The following RASAL2 variants were observed in gnomAD, a reference collection of about 807,000 sequenced individuals.
RASAL2 encodes the protein ras GTPase-activating protein nGAP.
RASAL2 carries 58 observed loss-of-function variants against 128.9 expected under a neutral mutation model. The ratio of observed to expected loss-of-function variants is 0.45; its 90% CI spans 0.36 to 0.56. RASAL2 has a LOEUF of 0.56. Ranked by LOEUF, RASAL2 falls within the 20% of genes least tolerant of loss-of-function variation. The pLI is 0.00. For missense variants in RASAL2, 1,360 were observed against 1,601.6 expected, an observed-to-expected ratio of 0.85 and a Z score of 2.57; for synonymous variants, 561 against 580.8, an observed-to-expected ratio of 0.97 and a Z score of 0.49.
chr1:178,448,745 A>G (rs766408069), intron 9 of RASAL2, among the ~76,000 whole-genome samples: 1 of 152,292 alleles, frequency 6.6e-6, no homozygotes, highest in East Asian at 1.9e-4. Flanking sequence ...TTTGAAATCA[A>G]TTATTCATAT....
intron 2 of RASAL2, among the ~76,000 whole-genome samples, chr1:178,288,622 G>A (rs569325851): frequency 7.0e-6 from 1 of 143,496 alleles, no homozygotes; most frequent in East Asian, 2.0e-4. Flanking sequence ...ATTCCCATCA[G>A]CATGCTATTC....
chr1:178,227,996 G>A (rs1171648452), intron 1 of RASAL2, among the ~76,000 whole-genome samples: 1 of 152,150 alleles, frequency 6.6e-6, no homozygotes, highest in Non-Finnish European at 1.5e-5. Flanking sequence ...AAAATGAAGT[G>A]TCAAGTTATT....
At chr1:178,180,930 TAAGAAAC>T (rs1436179180) in intron 1 of RASAL2, among the ~76,000 whole-genome samples, 1 of 152,132 alleles carries the variant, frequency 6.6e-6, no homozygotes, top group Non-Finnish European at 1.5e-5. Context: ...TCATATCACA[TAAGAAAC>T]AGATACACAT....
intron 17 of RASAL2, 108 bp downstream of exon 17, chr1:178,467,529 A>G (rs1647848818): frequency 3.5e-6 from 3 of 868,000 alleles, no homozygotes. Context: ...TGTGTCATTG[A>G]AAAGTTCTAG....
chr1:178,183,990 A>G (rs1160067107), intron 1 of RASAL2, among the ~76,000 whole-genome samples: 3 of 152,200 alleles, frequency 2.0e-5, no homozygotes, highest in African/African-American at 7.2e-5. Context: ...GATTTTAGCC[A>G]GTCTAATAGG....
chr1:178,351,919 A>G (rs1271715159), intron 3 of RASAL2, among the ~76,000 whole-genome samples: 4 of 152,132 alleles, frequency 2.6e-5, no homozygotes, highest in African/African-American at 9.7e-5. Context: ...TTTTACATAA[A>G]CATACTCTTT....
At chr1:178,438,103 TGTG>T (rs1676374114) in intron 5 of RASAL2, among the ~76,000 whole-genome samples, 1 of 14,796 alleles carries the variant, frequency 6.8e-5, no homozygotes, top group East Asian at 1.1e-3. Flanking sequence ...AATGGTGGCT[TGTG>T]TGTGTGTGTG....
rs909191506 is a variant in RASAL2 at position 178,383,298 on chromosome 1, C to T, written c.458-6802C>T. ...ACAAATTGGGTGAATTAAAGTGGCT[C>T]TGGGGATTTGTATTTCAGAGCAGCT... On this transcript the variant is annotated intron_variant, in intron 3 of 17. Coordinates refer to ENST00000367649, the MANE Select transcript of RASAL2 (RefSeq NM_170692.4). Among the ~76,000 whole-genome samples the T allele has an allele frequency of 2.6e-5, 4 of 152,090 alleles. No individual in the cohort carries two copies. In the South Asian group the frequency reaches 6.2e-4, roughly 24 times the overall value.
intron 3 of RASAL2, among the ~76,000 whole-genome samples, chr1:178,337,107 C>T (rs929615488): frequency 6.6e-6 from 1 of 152,028 alleles, no homozygotes; most frequent in African/African-American, 2.4e-5. Flanking sequence ...TCTACTAAGT[C>T]ATCTTAGTGG....
chr1:178,468,846 G>A (rs1647989702), intron 17 of RASAL2, among the ~76,000 whole-genome samples: 1 of 152,074 alleles, frequency 6.6e-6, no homozygotes, highest in Non-Finnish European at 1.5e-5. Context: ...GGATAAATAA[G>A]GCAATTGAGT....
At chr1:178,273,736 G>T (rs931727813) in intron 1 of RASAL2, among the ~76,000 whole-genome samples, 1 of 152,274 alleles carries the variant, frequency 6.6e-6, no homozygotes, top group African/African-American at 2.4e-5. Context: ...ATTAGATTTC[G>T]ATAAGAGGGA....
intron 3 of RASAL2, among the ~76,000 whole-genome samples, chr1:178,380,368 A>G (rs1672217445): frequency 6.6e-6 from 1 of 152,208 alleles, no homozygotes. Context: ...TTTAATATAC[A>G]TAAAGGAGAG....
Position 178,299,994 on chromosome 1 carries a change from A to G in RASAL2, c.333A>G (p.Ile111Met), listed in dbSNP as rs752988128. Residue 111 changes from isoleucine to methionine, a missense_variant and splice_region_variant, in exon 3 of 18, where the codon ATA (isoleucine) becomes ATG (methionine). Physicochemically the swap from Ile to Met is conservative, Grantham distance 10. This residue lies in a region of RASAL2 where 617 missense variants were observed against 714.2 expected (regional missense o/e 0.86). Coordinates refer to ENST00000367649, the MANE Select transcript of RASAL2 (RefSeq NM_170692.4). ...QLVLLNKEKE[I>M]PVEGGQEQQT... ...ATCTTTTGCTTTTGATTAACTAGAT[A>G]CCTGTGGAAGGGGGACAGGAGCAGC... 3 of 1,613,212 alleles carry G rather than the reference A, an allele frequency of 1.9e-6. No homozygotes were observed. The East Asian group carries it at 6.7e-5, about 36-fold the overall frequency.
intron 4 of RASAL2, among the ~76,000 whole-genome samples, chr1:178,393,870 C>A (rs969046416): frequency 2.6e-5 from 4 of 152,116 alleles, no homozygotes; most frequent in Non-Finnish European, 5.9e-5. Context: ...AGACCAGAAT[C>A]GAACGAGTTT....
At position 178,443,133 on chromosome 1, in the gene RASAL2, G is replaced by T; in HGVS notation, c.1386G>T (p.Met462Ile). ...AATTTGTCACCAGCAACTACACCAT[G>T]CTGTGTTCTGTCCTTGAGCCAGTAA... ...FAEFVTSNYTMLCSVLEPVIS... is the reference protein window; with the variant it reads ...FAEFVTSNYTILCSVLEPVIS... The change falls in exon 8 of 18, where the codon ATG (methionine) becomes ATT (isoleucine). Residue 462 changes from methionine (M) to isoleucine (I), a missense_variant. Met to Ile is a conservative substitution (Grantham distance 10). Around this residue, in one of 3 missense-constraint regions of RASAL2, gnomAD observed 617 missense variants for 714.2 expected, o/e 0.86. Transcript: ENST00000367649. 6.2e-7 allele frequency: 1 copy of T among 1,613,790 alleles called. No homozygotes were observed. Among genetic ancestry groups the T allele is most frequent in the Middle Eastern group, 1.7e-4 (1 of 6,060 alleles).
At chr1:178,359,109 A>G (rs1670973909) in intron 3 of RASAL2, among the ~76,000 whole-genome samples, 1 of 152,230 alleles carries the variant, frequency 6.6e-6, no homozygotes, top group South Asian at 2.1e-4. Flanking sequence ...AAAAATGTGT[A>G]TGAAAGTAAA....
intron 1 of RASAL2, among the ~76,000 whole-genome samples, chr1:178,263,533 T>C (rs945551786): frequency 6.6e-6 from 1 of 152,204 alleles, no homozygotes; most frequent in Non-Finnish European, 1.5e-5. Context: ...TCAAGAATGA[T>C]AATAATCAGA....
At chr1:178,365,258 G>T (rs147202118) in intron 3 of RASAL2, among the ~76,000 whole-genome samples, 77 of 152,094 alleles carry the variant, frequency 5.1e-4, no homozygotes, top group African/African-American at 1.4e-3. Flanking sequence ...AGTTTCATCA[G>T]CTCTAATCTT....
chr1:178,221,515 G>A (rs1303521971), intron 1 of RASAL2, among the ~76,000 whole-genome samples: 1 of 151,984 alleles, frequency 6.6e-6, no homozygotes, highest in Admixed American at 6.6e-5. Flanking sequence ...AGATTTCTTT[G>A]ATAACATGTA....
Sources: gnomAD v4.1 joint callset for allele counts (sites outside exome capture counted in the v4.1 genomes callset) on GRCh38, gnomAD v4.1.1 for gene constraint, gnomAD v4.1.1 regional missense constraint, MANE v1.5 for transcripts, NCBI Gene and HGNC (gene_info 2026-07-23, HGNC 2026-07-21) for gene names.